Variants in ZNF609 observed in about 807,000 individuals in gnomAD.
The protein encoded by ZNF609 is zinc finger protein 609.
A neutral mutation model predicts 109.5 loss-of-function variants in ZNF609; 11 were observed. That is an observed-to-expected ratio of 0.10 (90% CI 0.06 to 0.17). The LOEUF is 0.17. ZNF609 is among the 10% of genes least tolerant of loss of function. The pLI, the probability that ZNF609 is intolerant of heterozygous loss-of-function variation, is 1.00. For missense variants in ZNF609, 1,559 were observed against 1,772.4 expected (o/e 0.88, Z 2.16); for synonymous variants, 646 against 662.0 (o/e 0.98, Z 0.37).
At chr15:64,619,186 G>T (rs1895844165) in intron 2 of ZNF609, among the ~76,000 whole-genome samples, 1 of 152,132 alleles carries the variant, frequency 6.6e-6, no homozygotes, top group African/African-American at 2.4e-5. Flanking sequence ...TTTTTGTAAA[G>T]ACAGGGTCTC....
At position 64,678,128 on chromosome 15, in the gene ZNF609, C is replaced by T. The variant is rs1445691794; in HGVS notation, c.3415C>T (p.Arg1139Trp). Residue 1139 changes from arginine (R) to tryptophan (W), a missense_variant, in exon 6 of 10, where the codon CGG (arginine) becomes TGG (tryptophan). By Grantham distance (101) the Arg-to-Trp change is moderately radical. Around this residue, in one of 4 missense-constraint regions of ZNF609, gnomAD observed 1,204 missense variants for 1,314.1 expected, o/e 0.92. Coordinates refer to ENST00000326648, the MANE Select transcript of ZNF609 (RefSeq NM_015042.2). ...GTGATTGTTGTAGGAGGCAGAGCCCCGGATGTGGACATATGTTTATCCTGC... is the reference window on the plus strand; with the variant it reads ...GTGATTGTTGTAGGAGGCAGAGCCCTGGATGTGGACATATGTTTATCCTGC... ...ILWYRQEAEPRMWTYVYPAKY... is the reference protein window; with the variant it reads ...ILWYRQEAEPWMWTYVYPAKY... The T allele has an allele frequency of 5.6e-6, 9 of 1,612,946 alleles. No homozygotes were observed. The highest frequency in any genetic ancestry group is 2.2e-5 in the East Asian group (1 of 44,900).
intron 1 of ZNF609, among the ~76,000 whole-genome samples, chr15:64,462,820 A>G (rs1892961958): frequency 6.6e-6 from 1 of 152,246 alleles, no homozygotes; most frequent in Admixed American, 6.5e-5. Flanking sequence ...GAAATTTGCC[A>G]AAGAAATAAA....
chr15:64,479,787 T>C (rs1242571734), intron 1 of ZNF609, among the ~76,000 whole-genome samples: 1 of 151,122 alleles, frequency 6.6e-6, no homozygotes, highest in Non-Finnish European at 1.5e-5. Flanking sequence ...GGCATGGTGG[T>C]GCACACCTGT....
At chr15:64,655,138 CAGAAT>C (rs970587851) in intron 3 of ZNF609, among the ~76,000 whole-genome samples, 1 of 137,228 alleles carries the variant, frequency 7.3e-6, no homozygotes, top group Admixed American at 7.1e-5. Flanking sequence ...GGAAAAAAAA[CAGAAT>C]AGAAAAAAAA....
At chr15:64,528,932 G>A (rs978931825) in intron 2 of ZNF609, 28 of 1,254,562 alleles carry the variant, frequency 2.2e-5, no homozygotes, top group Non-Finnish European at 2.9e-5. Flanking sequence ...TTTTCCAGAC[G>A]ACAGGTCAGG....
intron 2 of ZNF609, among the ~76,000 whole-genome samples, chr15:64,519,220 A>G (rs1309930586): frequency 6.6e-6 from 1 of 152,230 alleles, no homozygotes; most frequent in Admixed American, 6.5e-5. Context: ...AGGGAGTTGA[A>G]TGAATGAACA....
intron 2 of ZNF609, among the ~76,000 whole-genome samples, chr15:64,607,885 TCTTTTCTTTC>T (rs1895637237): frequency 5.0e-5 from 1 of 19,868 alleles, no homozygotes; most frequent in South Asian, 6.6e-4. Flanking sequence ...CTTTCTTCTT[TCTTTTCTTTC>T]TTTTTTTTTT....
In ZNF609 at chr15:64,539,202, ATTT is replaced by A. The variant is rs1894206224; in HGVS notation, c.747+39037_747+39039del. Among the ~76,000 whole-genome samples the A allele has an allele frequency of 9.5e-5, 13 of 136,320 alleles. 1 individual carries two copies. Among genetic ancestry groups the A allele is most frequent in the East Asian group, 6.2e-4 (3 of 4,836 alleles). The allele number at this position is 136,320 out of a possible 152,430, so 89.4% of individuals were successfully genotyped here. A position where few individuals can be genotyped will look rare whatever the true frequency, so the allele number is the denominator to read the frequency against. The stretch of plus-strand genomic sequence containing the variant: ...TATTTATTTATTTATTTATTTATTT[ATTT>A]ATTATTTTTTATTTTGTTTTGAGAT... On this transcript the variant is annotated intron_variant, in intron 2 of 9. Coordinates refer to ENST00000326648, the MANE Select transcript of ZNF609 (RefSeq NM_015042.2).
intron 2 of ZNF609, among the ~76,000 whole-genome samples, chr15:64,559,477 C>T (rs2034847199): frequency 6.6e-6 from 1 of 152,186 alleles, no homozygotes; most frequent in African/African-American, 2.4e-5. Flanking sequence ...AGAAGCGGCC[C>T]TGTAGCTGAA....
chr15:64,625,026 G>C (rs1004872635), intron 3 of ZNF609, among the ~76,000 whole-genome samples: 3 of 152,028 alleles, frequency 2.0e-5, no homozygotes, highest in Non-Finnish European at 4.4e-5. Context: ...CCAAAGTGCT[G>C]GGATTACAGG....
chr15:64,546,710 G>T (rs1041054351), intron 2 of ZNF609, among the ~76,000 whole-genome samples: 2 of 151,512 alleles, frequency 1.3e-5, no homozygotes, highest in African/African-American at 4.9e-5. Flanking sequence ...CTAGACTCAA[G>T]CAATCCACCT....
chr15:64,504,756 C>T (rs1420920595), intron 2 of ZNF609, among the ~76,000 whole-genome samples: 1 of 151,834 alleles, frequency 6.6e-6, no homozygotes, highest in East Asian at 1.9e-4. Flanking sequence ...GCTGAGATTA[C>T]AGGCATGAGC....
intron 3 of ZNF609, among the ~76,000 whole-genome samples, chr15:64,654,862 C>G (rs1209008491): frequency 6.6e-6 from 1 of 150,956 alleles, no homozygotes; most frequent in South Asian, 2.1e-4. Context: ...TTTGGGAGGC[C>G]GAGGCAGGTG....
chr15:64,536,728 C>CG (rs200777959), intron 2 of ZNF609, among the ~76,000 whole-genome samples: 4,056 of 148,588 alleles, frequency 0.027, 82 homozygotes, highest in South Asian at 0.058. Flanking sequence ...ATTCCACCCC[C>CG]CCCCCCAAAA....
chr15:64,672,006 CTTTT>C (rs771330218), intron 4 of ZNF609, among the ~76,000 whole-genome samples: 1 of 86,754 alleles, frequency 1.2e-5, no homozygotes, highest in Non-Finnish European at 2.1e-5. Flanking sequence ...GAGGCTTAGA[CTTTT>C]TTTTTTTTTT....
chr15:64,485,381 A>G (rs1893317668), intron 1 of ZNF609, among the ~76,000 whole-genome samples: 1 of 152,226 alleles, frequency 6.6e-6, no homozygotes, highest in Non-Finnish European at 1.5e-5. Context: ...CTACTCTTAT[A>G]AATAGTAAAT....
intron 1 of ZNF609, among the ~76,000 whole-genome samples, chr15:64,488,970 G>A (rs930076989): frequency 6.6e-6 from 1 of 151,856 alleles, no homozygotes; most frequent in Non-Finnish European, 1.5e-5. Context: ...TGGTGGTGGT[G>A]CATGCCTGTG....
intron 2 of ZNF609, chr15:64,528,680 G>A: frequency 8.6e-7 from 1 of 1,166,248 alleles, no homozygotes; most frequent in South Asian, 1.2e-5. Flanking sequence ...CTCCTTGGAG[G>A]CATTGTGGGC....
chr15:64,635,535 A>G (rs1469673501), intron 3 of ZNF609, among the ~76,000 whole-genome samples: 2 of 152,198 alleles, frequency 1.3e-5, no homozygotes, highest in African/African-American at 4.8e-5. Context: ...TGATATTTAC[A>G]ACTCTGTAAT....
Sources: allele counts gnomAD v4.1 joint callset (sites outside exome capture counted in the v4.1 genomes callset), GRCh38; gene constraint gnomAD v4.1.1; regional missense constraint gnomAD v4.1.1; transcripts MANE v1.5; gene names NCBI Gene and HGNC (gene_info 2026-07-23, HGNC 2026-07-21).